The following RBL2 variants were observed in gnomAD, a reference collection of about 807,000 sequenced individuals.
The protein encoded by RBL2 is RB transcriptional corepressor like 2, also known as retinoblastoma-like protein 2.
A neutral mutation model predicts 126.0 loss-of-function variants in RBL2; 56 were observed. The observed-to-expected ratio is 0.44, with a 90% CI of 0.36 to 0.56. RBL2 has a LOEUF of 0.56. Ranked by LOEUF, RBL2 falls within the 20% of genes least tolerant of loss-of-function variation. The pLI, the probability that RBL2 is intolerant of heterozygous loss-of-function variation, is 0.00. For synonymous variants in RBL2, 454 were observed against 478.5 expected (o/e 0.95, Z 0.67); for missense variants, 1,229 against 1,398.2 (o/e 0.88, Z 1.93).
At position 53,454,789 on chromosome 16, in the gene RBL2, G is replaced by A. The variant is rs1407594425; in HGVS notation, c.1126G>A (p.Glu376Lys). Residue 376 changes from glutamate to lysine, a missense_variant, in exon 8 of 22, where the codon GAG (glutamate) becomes AAG (lysine). Physicochemically the swap from Glu to Lys is moderately conservative, Grantham distance 56. Transcript: ENST00000262133. ...SRCLNAGSGT[E>K]TAERVQMKNI... The stretch of plus-strand genomic sequence containing the variant: ...GTGTCTGAACGCTGGTTCAGGAACA[G>A]AGACTGCTGAAAGGGTGCAGATGAA... 1.9e-6 allele frequency: 3 copies of A among 1,613,940 alleles called. No homozygotes were observed. In the African/African-American group the frequency reaches 4.0e-5, roughly 22 times the overall value.
At position 53,454,726 on chromosome 16, in the gene RBL2, G is replaced by T; in HGVS notation, c.1063G>T (p.Gly355Ter). Residue 355 changes from glycine to a stop codon, truncating the protein, a stop_gained, in exon 8 of 22, where the codon GGA becomes TGA. Transcript: ENST00000262133. LOFTEE classifies it high-confidence loss of function. ...GAATTTAGATGAGCGGATATTTCTTGGAGAGGATGCTGAGGAGGAAATTGG... is the reference window on the plus strand; with the variant it reads ...GAATTTAGATGAGCGGATATTTCTTTGAGAGGATGCTGAGGAGGAAATTGG... ...VGNLDERIFL[G>*]EDAEEEIGTL... The T allele has an allele frequency of 6.2e-7, 1 of 1,613,986 alleles. No homozygotes were observed.
rs778669671 is a variant in RBL2, at chr16:53,434,514, G to T, written c.-43G>T. On this transcript the variant is annotated 5_prime_UTR_variant, in exon 1 of 22. Transcript: ENST00000262133. ...TCGCCGTTTGAATGGCTGCGGGCCC[G>T]GGCCCTCACCTCACCTGAGGTCCGG... 1 of 1,369,116 alleles carries T rather than the reference G, an allele frequency of 7.3e-7. No individual in the cohort carries two copies. The highest frequency in any genetic ancestry group is 1.8e-5 in the South Asian group (1 of 57,108). The allele number at this position is 1,369,116 out of a possible 1,614,324, so 84.8% of individuals were successfully genotyped here.
chr16:53,444,930 T>A (rs1482426552), intron 3 of RBL2, among the ~76,000 whole-genome samples: 5 of 152,168 alleles, frequency 3.3e-5, no homozygotes, highest in African/African-American at 7.2e-5. Context: ...ATGTGATCAT[T>A]TATGGGAAGA....
chr16:53,453,396 T>C, intron 5 of RBL2, 56 bp from the exon 6 acceptor site: 2 of 1,486,396 alleles, frequency 1.3e-6, no homozygotes, highest in Non-Finnish European at 1.9e-6. Context: ...TTTAGTTTAT[T>C]ACAAATTGGC....
intron 21 of RBL2, among the ~76,000 whole-genome samples, chr16:53,482,761 G>A (rs1961003720): frequency 6.8e-6 from 1 of 147,576 alleles, no homozygotes; most frequent in Non-Finnish European, 1.5e-5. Context: ...AGTGAGCAGA[G>A]ATCGCGCCAT....
intron 17 of RBL2, among the ~76,000 whole-genome samples, chr16:53,478,686 A>G (rs1960826228): frequency 1.3e-5 from 2 of 151,902 alleles, no homozygotes; most frequent in Non-Finnish European, 2.9e-5. Context: ...CAGTGGCTCA[A>G]TCTCAGCTCA....
intron 9 of RBL2, among the ~76,000 whole-genome samples, chr16:53,461,370 GCAGTTCCAGCTA>G (rs896284623): frequency 2.6e-5 from 4 of 152,174 alleles, no homozygotes; most frequent in Non-Finnish European, 5.9e-5. Flanking sequence ...GCAGGTGCCT[GCAGTTCCAGCTA>G]CTTGGAGGCT....
intron 21 of RBL2, among the ~76,000 whole-genome samples, chr16:53,484,318 G>T (rs1246362244): frequency 6.6e-6 from 1 of 152,134 alleles, no homozygotes; most frequent in Non-Finnish European, 1.5e-5. Context: ...TCAAAAGGTG[G>T]CTTAAAAAGG....
At chr16:53,453,664 G>A (rs1318432952) in intron 6 of RBL2, 41 bp from the exon 7 acceptor site, 1 of 1,602,612 alleles carries the variant, frequency 6.2e-7, no homozygotes, top group African/African-American at 1.3e-5. Context: ...AGAAAAACTT[G>A]ATTTAACATG....
At chr16:53,482,247 T>TG (rs2150827035) in intron 21 of RBL2, among the ~76,000 whole-genome samples, 1 of 152,326 alleles carries the variant, frequency 6.6e-6, no homozygotes, top group East Asian at 1.9e-4. Context: ...TTTTTGACAT[T>TG]GCAGTGCAAT....
rs2057986630 is a variant in RBL2 at position 53,439,010 on chromosome 16, T to G, written c.241-6T>G. ...AACTAAAAATCAATTTTCTTTTCTT[T>G]TACAGGGAAATGATCTTCATTGGTT... On this transcript the variant is annotated splice_polypyrimidine_tract_variant and splice_region_variant and intron_variant, in intron 1 of 21. Coordinates refer to ENST00000262133, the MANE Select transcript of RBL2 (RefSeq NM_005611.4). 6.5e-7 allele frequency: 1 copy of G among 1,548,514 alleles called. No homozygotes were observed. The highest frequency in any genetic ancestry group is 1.4e-5 in the African/African-American group (1 of 71,710).
At position 53,470,881 on chromosome 16, in the gene RBL2, C is replaced by G. The variant is rs139221544; in HGVS notation, c.2662C>G (p.Leu888Val). ...TCCTGAACTTATGATGGACAGACAT[C>G]TGGACCAGTTATTAATGTGTGCCAT... ...QCPELMMDRH[L>V]DQLLMCAIYV... Residue 888 changes from leucine to valine, a missense_variant, in exon 17 of 22, where the codon CTG becomes GTG. This residue lies in a region of RBL2 where 1,070 missense variants were observed against 1,274.3 expected (regional missense o/e 0.84). Transcript: ENST00000262133. The G allele has an allele frequency of 6.2e-7, 1 of 1,613,922 alleles. No homozygotes were observed. Among genetic ancestry groups the G allele is most frequent in the Non-Finnish European group, 8.5e-7 (1 of 1,179,968 alleles).
At chr16:53,448,780 G>A (rs9921627) in intron 4 of RBL2, 71,392 of 152,138 alleles carry the variant, frequency 0.47, 17,372 homozygotes, top group Middle Eastern at 0.61. Flanking sequence ...ACCATGCTCA[G>A]TCAGCTTAGT....
At chr16:53,465,687 A>G (rs1072910) in intron 13 of RBL2, 85 bp downstream of exon 13, 512,152 of 1,115,254 alleles carry the variant, frequency 0.46, 120,274 homozygotes, top group African/African-American at 0.56. Context: ...GAGGGTGGCA[A>G]TTAGGTTTAA....
chr16:53,479,308 G>T, intron 18 of RBL2, 83 bp downstream of exon 18: 1 of 1,301,500 alleles, frequency 7.7e-7, no homozygotes. Context: ...TTGACTCTGT[G>T]GCCTTTTTTC....
intron 3 of RBL2, among the ~76,000 whole-genome samples, chr16:53,444,856 T>C (rs1441288700): frequency 6.6e-6 from 1 of 152,036 alleles, no homozygotes; most frequent in Non-Finnish European, 1.5e-5. Context: ...TCCAAATAAA[T>C]AAATAAAAAA....
At chr16:53,453,103 A>C (rs1214883334) in intron 5 of RBL2, among the ~76,000 whole-genome samples, 1 of 152,068 alleles carries the variant, frequency 6.6e-6, no homozygotes, top group East Asian at 1.9e-4. Context: ...AATTTTTTTA[A>C]AGTGGTGTTT....
rs375720178 is a variant in RBL2, at chr16:53,454,744, G to A, written c.1081G>A (p.Glu361Lys). The change falls in exon 8 of 22, where the codon GAA becomes AAA. Residue 361 changes from glutamate to lysine, a missense_variant. Physicochemically the swap from Glu to Lys is moderately conservative, Grantham distance 56. This residue lies in a region of RBL2 where 1,070 missense variants were observed against 1,274.3 expected (regional missense o/e 0.84). Transcript: ENST00000262133. Reference sequence around the variant, plus strand: ...ATTTCTTGGAGAGGATGCTGAGGAGGAAATTGGGACTCTCTCAAGGTGTCT... The same window carrying A: ...ATTTCTTGGAGAGGATGCTGAGGAGAAAATTGGGACTCTCTCAAGGTGTCT... Reference protein sequence around the residue: ...RIFLGEDAEEEIGTLSRCLNA... With the variant: ...RIFLGEDAEEKIGTLSRCLNA... The A allele has an allele frequency of 2.5e-5, 41 of 1,613,986 alleles. No individual in the cohort carries two copies. Among genetic ancestry groups the A allele is most frequent in the Non-Finnish European group, 3.3e-5 (39 of 1,179,984 alleles).
intron 21 of RBL2, chr16:53,489,097 C>CAG (rs1452337864): frequency 4.6e-5 from 7 of 150,732 alleles, no homozygotes; most frequent in Non-Finnish European, 3.0e-5. Flanking sequence ...TGTGAAGGTA[C>CAG]ATCTGTTGAT....
Sources: gnomAD v4.1 joint callset for allele counts (sites outside exome capture counted in the v4.1 genomes callset) on GRCh38, gnomAD v4.1.1 for gene constraint, gnomAD v4.1.1 regional missense constraint, MANE v1.5 for transcripts, NCBI Gene and HGNC (gene_info 2026-07-23, HGNC 2026-07-21) for gene names.